Variants in ANXA8 observed in about 807,000 individuals in gnomAD.
ANXA8 encodes the protein VAC-beta.
A neutral mutation model predicts 26.8 loss-of-function variants in ANXA8; 9 were observed. The ratio of observed to expected loss-of-function variants is 0.34; its 90% CI spans 0.20 to 0.59. ANXA8 has a LOEUF of 0.59. ANXA8 is among the 20% of genes least tolerant of loss of function. The probability of loss-of-function intolerance (pLI) is 0.84; values close to 1 mark genes in which losing one functional copy is unlikely to be tolerated. For synonymous variants in ANXA8, 39 were observed against 94.8 expected, an observed-to-expected ratio of 0.41 and a Z score of 3.42; for missense variants, 83 against 238.5, an observed-to-expected ratio of 0.35 and a Z score of 4.29.
chr10:47,891,297 G>A, the ANXA8 span, among the ~76,000 whole-genome samples: 2 of 143,320 alleles, frequency 1.4e-5, no homozygotes, highest in Non-Finnish European at 3.1e-5. Context: ...ATGACAACCA[G>A]TCAACATTTT....
chr10:47,686,726 G>A, the ANXA8 span, among the ~76,000 whole-genome samples: 1 of 151,896 alleles, frequency 6.6e-6, no homozygotes, highest in Non-Finnish European at 1.5e-5. Flanking sequence ...AGTCAAAAAA[G>A]CGGAATGTTT....
At chr10:47,590,924 T>A in the ANXA8 span, among the ~76,000 whole-genome samples, 5 of 132,556 alleles carry the variant, frequency 3.8e-5, no homozygotes, top group Non-Finnish European at 7.6e-5. Flanking sequence ...CTGTGGTGAC[T>A]CCTCATTAAA....
the ANXA8 span, among the ~76,000 whole-genome samples, chr10:47,975,319 G>A: frequency 2.0e-5 from 3 of 149,194 alleles, 1 homozygote; most frequent in Non-Finnish European, 4.5e-5. Context: ...TGCAGGAGGG[G>A]TGAGGTGGCC....
chr10:47,733,249 TTC>T, the ANXA8 span, among the ~76,000 whole-genome samples: 1 of 95,162 alleles, frequency 1.1e-5, no homozygotes, highest in African/African-American at 4.4e-5. Flanking sequence ...CTTTCTTTCT[TTC>T]TTTCTTTCTT....
At chr10:47,657,226 T>C in the ANXA8 span, among the ~76,000 whole-genome samples, 179 of 151,854 alleles carry the variant, frequency 1.2e-3, 9 homozygotes, top group African/African-American at 4.1e-3. Flanking sequence ...ATTATCTTAC[T>C]GTAATTTGTT....
chr10:47,485,880 A>G (rs1840033106), upstream of ANXA8, among the ~76,000 whole-genome samples: 1 of 151,836 alleles, frequency 6.6e-6, no homozygotes, highest in African/African-American at 2.4e-5. Context: ...AGGCCAAGAC[A>G]GGTGGATCAT....
the ANXA8 span, among the ~76,000 whole-genome samples, chr10:47,576,723 TTGC>T: frequency 6.6e-6 from 1 of 150,598 alleles, no homozygotes; most frequent in Non-Finnish European, 1.5e-5. Flanking sequence ...TCTCACCATG[TTGC>T]CCAGGCCAGT....
At chr10:47,535,200 C>T in the ANXA8 span, among the ~76,000 whole-genome samples, 1 of 133,730 alleles carries the variant, frequency 7.5e-6, no homozygotes, top group Non-Finnish European at 1.5e-5. Flanking sequence ...TCTCAAACTC[C>T]TGACCTCAGG....
the ANXA8 span, among the ~76,000 whole-genome samples, chr10:47,894,641 C>A: frequency 6.7e-6 from 1 of 149,834 alleles, no homozygotes; most frequent in Non-Finnish European, 1.5e-5. Context: ...ACTACACACA[C>A]CACACACACC....
the ANXA8 span, among the ~76,000 whole-genome samples, chr10:47,648,215 A>G: frequency 1.0e-5 from 1 of 98,228 alleles, no homozygotes; most frequent in Non-Finnish European, 2.5e-5. Context: ...TCTCTTGCCT[A>G]TGTTTCTCTA....
At chr10:47,516,077 C>A in the ANXA8 span, among the ~76,000 whole-genome samples, 1 of 111,562 alleles carries the variant, frequency 9.0e-6, no homozygotes, top group Non-Finnish European at 1.8e-5. Context: ...CAGAATATCC[C>A]AGAACTAGAA....
the ANXA8 span, among the ~76,000 whole-genome samples, chr10:47,555,018 C>A: frequency 2.6e-5 from 4 of 151,308 alleles, no homozygotes; most frequent in Non-Finnish European, 4.4e-5. Flanking sequence ...CCAAGGACTG[C>A]AACCCTCACA....
At chr10:47,562,064 A>G in the ANXA8 span, among the ~76,000 whole-genome samples, 6 of 151,864 alleles carry the variant, frequency 4.0e-5, no homozygotes, top group Non-Finnish European at 7.4e-5. Context: ...TTGAGAATCA[A>G]TTATGTATAA....
chr10:47,589,002 C>G, the ANXA8 span: 1 of 144,804 alleles, frequency 6.9e-6, no homozygotes, highest in Non-Finnish European at 1.5e-5. Flanking sequence ...TTTGTAGAGA[C>G]GGGGTTTTGT....
chr10:47,685,581 T>A, the ANXA8 span, among the ~76,000 whole-genome samples: 3 of 151,672 alleles, frequency 2.0e-5, no homozygotes, highest in East Asian at 5.8e-4. Context: ...GAAATATAGG[T>A]CTGAAGTTTG....
At chr10:47,940,053 G>A in the ANXA8 span, among the ~76,000 whole-genome samples, 7 of 150,488 alleles carry the variant, frequency 4.7e-5, no homozygotes, top group African/African-American at 1.2e-4. Flanking sequence ...AATGCCTTCC[G>A]AATCTCATGC....
the ANXA8 span, among the ~76,000 whole-genome samples, chr10:47,777,302 G>T: frequency 1.4e-4 from 21 of 151,672 alleles, no homozygotes; most frequent in African/African-American, 5.1e-4. Context: ...TGCACCATCA[G>T]ATCTGATGTG....
chr10:47,673,981 C>G, the ANXA8 span, among the ~76,000 whole-genome samples: 1 of 151,234 alleles, frequency 6.6e-6, no homozygotes, highest in African/African-American at 2.4e-5. Context: ...ACTTGAGCTT[C>G]TCATCTCTTG....
the ANXA8 span, among the ~76,000 whole-genome samples, chr10:47,968,634 A>T: frequency 6.8e-6 from 1 of 146,448 alleles, no homozygotes; most frequent in African/African-American, 2.4e-5. Flanking sequence ...GGCTGGATGA[A>T]GCACTAGCCA....
Sources: allele counts gnomAD v4.1 joint callset (sites outside exome capture counted in the v4.1 genomes callset), GRCh38; gene constraint gnomAD v4.1.1; transcripts MANE v1.5; gene names NCBI Gene and HGNC (gene_info 2026-07-23, HGNC 2026-07-21).